CDH13: variants seen among roughly 807,000 people sequenced by gnomAD.
CDH13 encodes the protein cadherin 13.
In CDH13, 24 loss-of-function variants were observed where a neutral mutation model predicts 63.8. The ratio of observed to expected loss-of-function variants is 0.38; its 90% CI spans 0.27 to 0.53. The LOEUF (loss-of-function observed/expected upper bound fraction) is 0.53. Ranked by LOEUF, CDH13 falls within the 20% of genes least tolerant of loss-of-function variation. CDH13 has a pLI of 0.85. For missense variants in CDH13, 1,049 were observed against 903.1 expected, an observed-to-expected ratio of 1.16 and a Z score of -2.07; for synonymous variants, 503 against 355.3, an observed-to-expected ratio of 1.42 and a Z score of -4.67.
At chr16:83,117,002 G>T (rs928415669) in intron 3 of CDH13, among the ~76,000 whole-genome samples, 7 of 152,204 alleles carry the variant, frequency 4.6e-5, no homozygotes, top group African/African-American at 1.7e-4. Flanking sequence ...ATCATCGTAG[G>T]ACGATGAGCG....
chr16:82,991,715 C>A (rs989883818), intron 2 of CDH13, among the ~76,000 whole-genome samples: 10 of 152,188 alleles, frequency 6.6e-5, no homozygotes, highest in Admixed American at 5.9e-4. Flanking sequence ...CACAGTGAAA[C>A]TCAAAGGACT....
intron 4 of CDH13, among the ~76,000 whole-genome samples, chr16:83,203,312 A>C (rs7195227): frequency 0.99 from 151,524 of 152,302 alleles, 75,380 homozygotes; most frequent in Middle Eastern, 1. Flanking sequence ...ATTAGAAGCC[A>C]AGACCTCAGA....
intron 5 of CDH13, among the ~76,000 whole-genome samples, chr16:83,304,488 A>G (rs1026841658): frequency 2.0e-5 from 3 of 152,118 alleles, no homozygotes; most frequent in African/African-American, 7.2e-5. Context: ...ATAAAAATAG[A>G]TATGGGAAAA....
chr16:82,752,042 T>A (rs1285761887), intron 1 of CDH13, among the ~76,000 whole-genome samples: 1 of 152,292 alleles, frequency 6.6e-6, no homozygotes, highest in East Asian at 1.9e-4. Context: ...AACTGACAAA[T>A]TTGGGGGAAA....
At chr16:83,052,098 T>G (rs1038096071) in intron 3 of CDH13, among the ~76,000 whole-genome samples, 1 of 152,190 alleles carries the variant, frequency 6.6e-6, no homozygotes, top group Non-Finnish European at 1.5e-5. Flanking sequence ...TATCATGCAT[T>G]CTCTGCTTAC....
chr16:82,977,359 A>T (rs13331924), intron 2 of CDH13, among the ~76,000 whole-genome samples: 2,157 of 152,260 alleles, frequency 0.014, 48 homozygotes, highest in African/African-American at 0.05. Flanking sequence ...AGTCACCCAC[A>T]TGCACACTGA....
chr16:83,105,314 C>T (rs117153366), intron 3 of CDH13, among the ~76,000 whole-genome samples: 11 of 152,322 alleles, frequency 7.2e-5, no homozygotes, highest in Non-Finnish European at 7.3e-5. Context: ...TTCTCTGAGT[C>T]TGTCCTGGAA....
At chr16:83,220,197 C>G (rs2039655813) in intron 5 of CDH13, among the ~76,000 whole-genome samples, 1 of 152,182 alleles carries the variant, frequency 6.6e-6, no homozygotes, top group Non-Finnish European at 1.5e-5. Context: ...ACTGAAGCTT[C>G]TTACAGTTGC....
chr16:83,098,268 G>A (rs2034302452), intron 3 of CDH13, among the ~76,000 whole-genome samples: 1 of 152,172 alleles, frequency 6.6e-6, no homozygotes, highest in South Asian at 2.1e-4. Flanking sequence ...GAACCTTACA[G>A]TAAAACACTT....
intron 2 of CDH13, among the ~76,000 whole-genome samples, chr16:82,875,674 C>T (rs2040480849): frequency 6.6e-6 from 1 of 152,126 alleles, no homozygotes; most frequent in Admixed American, 6.5e-5. Context: ...CTAAAGTGAA[C>T]ACATCAAAGA....
intron 6 of CDH13, among the ~76,000 whole-genome samples, chr16:83,478,405 C>T (rs1413953642): frequency 6.6e-6 from 1 of 152,128 alleles, no homozygotes; most frequent in African/African-American, 2.4e-5. Flanking sequence ...CACAGAGAGT[C>T]CCACCTTTGA....
intron 4 of CDH13, among the ~76,000 whole-genome samples, chr16:83,181,904 T>C (rs2038359782): frequency 6.6e-6 from 1 of 152,174 alleles, no homozygotes; most frequent in Non-Finnish European, 1.5e-5. Context: ...AACTAGGTGG[T>C]GATTTGGAGC....
Position 82,636,372 on chromosome 16 carries a change from C to T in CDH13, c.45+9235C>T, listed in dbSNP as rs186120412. Among the ~76,000 whole-genome samples, 16 of 152,040 alleles carry T rather than the reference C, an allele frequency of 1.1e-4. 1 individual carries two copies. Among genetic ancestry groups the T allele is most frequent in the Admixed American group, 9.8e-4 (15 of 15,242 alleles). ...TTACAGTATTGCCAGCAGATCCAGT[C>T]CATGCCTGCATCTAGGATGGGCACC... On this transcript the variant is annotated intron_variant, in intron 1 of 13. Transcript: ENST00000567109.
chr16:83,011,335 G>C (rs1222053514), intron 2 of CDH13, among the ~76,000 whole-genome samples: 1 of 152,172 alleles, frequency 6.6e-6, no homozygotes, highest in African/African-American at 2.4e-5. Flanking sequence ...ACACTGTTCA[G>C]CTCATGGAAA....
intron 7 of CDH13, among the ~76,000 whole-genome samples, chr16:83,525,144 A>T (rs1230496805): frequency 1.3e-5 from 2 of 152,166 alleles, no homozygotes; most frequent in African/African-American, 4.8e-5. Flanking sequence ...GACAGACTCC[A>T]GTTGGCTCTA....
At chr16:82,874,302 G>T (rs2040435296) in intron 2 of CDH13, among the ~76,000 whole-genome samples, 1 of 152,104 alleles carries the variant, frequency 6.6e-6, no homozygotes, top group African/African-American at 2.4e-5. Context: ...CCCGTGAAAA[G>T]TTGCAAACCT....
intron 2 of CDH13, among the ~76,000 whole-genome samples, chr16:83,028,149 A>T (rs898174771): frequency 6.6e-6 from 1 of 152,204 alleles, no homozygotes; most frequent in Non-Finnish European, 1.5e-5. Context: ...CATGCTGGCG[A>T]TTGAAGCAGT....
chr16:83,387,359 C>T (rs1334329946), intron 6 of CDH13, among the ~76,000 whole-genome samples: 10 of 152,122 alleles, frequency 6.6e-5, no homozygotes, highest in Non-Finnish European at 2.9e-5. Context: ...GGTTTCGGCT[C>T]ACTTCTAGTT....
At chr16:83,373,810 A>C (rs2091414959) in intron 6 of CDH13, among the ~76,000 whole-genome samples, 1 of 152,162 alleles carries the variant, frequency 6.6e-6, no homozygotes, top group Non-Finnish European at 1.5e-5. Flanking sequence ...CCTAGACCTG[A>C]GGAATGAAGG....
Sources: allele counts gnomAD v4.1 joint callset (sites outside exome capture counted in the v4.1 genomes callset), GRCh38; gene constraint gnomAD v4.1.1; transcripts MANE v1.5; gene names NCBI Gene and HGNC (gene_info 2026-07-23, HGNC 2026-07-21).